LRRC4B: variants seen among roughly 807,000 people sequenced by gnomAD.
LRRC4B encodes the protein leucine-rich repeat-containing protein 4B.
LRRC4B carries 1 observed loss-of-function variant against 7.3 expected under a neutral mutation model. The observed-to-expected ratio is 0.14, with a 90% confidence interval of 0.05 to 0.65. The LOEUF (loss-of-function observed/expected upper bound fraction) is 0.65, where lower values mean the gene tolerates loss of function less well. Ranked by LOEUF, LRRC4B falls within the 30% of genes least tolerant of loss-of-function variation. The probability of loss-of-function intolerance (pLI) is 0.84; values close to 1 mark genes in which losing one functional copy is unlikely to be tolerated. For missense variants in LRRC4B, 730 were observed against 1,041.6 expected (o/e 0.70, Z 4.12); for synonymous variants, 500 against 499.2 (o/e 1.00, Z -0.02).
In LRRC4B at chr19:50,517,306, C is replaced by T. The variant is rs1980309331; in HGVS notation, c.*265G>A. 8.8e-6 allele frequency: 3 copies of T among 341,212 alleles called. No homozygotes were observed. Among genetic ancestry groups the T allele is most frequent in the African/African-American group, 2.1e-5 (1 of 47,328 alleles). 21.1% of individuals were successfully genotyped at this position (341,212 alleles called of 1,614,324 possible). On this transcript the variant is annotated 3_prime_UTR_variant, in exon 3 of 3. Transcript: ENST00000652263. This position sits in a 1 kb window ranked among gnomAD's most constrained non-coding sequence, Gnocchi z 6.6. ...GAGGAAACGCGGAGAACTCAGGCCA[C>T]TTCTCCTGGGTCCCACGTCCCCTCC...
At chr19:50,529,139 G>T (rs11881006) in intron 2 of LRRC4B, among the ~76,000 whole-genome samples, 1 of 151,952 alleles carries the variant, frequency 6.6e-6, no homozygotes, top group Non-Finnish European at 1.5e-5. Flanking sequence ...TCTCAGAGCC[G>T]GTTCTCAGAG....
At chr19:50,534,115 A>G (rs1216888186) in intron 2 of LRRC4B, among the ~76,000 whole-genome samples, 2 of 152,074 alleles carry the variant, frequency 1.3e-5, no homozygotes, top group East Asian at 3.9e-4. Context: ...CTGGGGATCC[A>G]GCTGTGGACA....
chr19:50,525,292 G>A (rs561922039), intron 2 of LRRC4B, among the ~76,000 whole-genome samples: 11 of 152,238 alleles, frequency 7.2e-5, no homozygotes, highest in South Asian at 6.2e-4. Flanking sequence ...TGCTCAGCAC[G>A]TCGTCATTCT....
Position 50,517,542 on chromosome 19 carries a change from A to G in LRRC4B, c.*29T>C. 1 of 1,402,698 alleles carries G rather than the reference A, an allele frequency of 7.1e-7. No homozygotes were observed. The highest frequency in any genetic ancestry group is 1.7e-5 in the South Asian group (1 of 59,228). 86.9% of individuals were successfully genotyped at this position (1,402,698 alleles called of 1,614,324 possible). ...GGCTGGGACCTGGGTGGGGGGCTCC[A>G]CGCCCCTCGCCCGCCCGGCCCCGCC... On this transcript the variant is annotated 3_prime_UTR_variant, in exon 3 of 3. Coordinates refer to ENST00000652263, the MANE Select transcript of LRRC4B (RefSeq NM_001080457.2). The surrounding 1 kb of genome is among the most constrained non-coding windows in gnomAD (Gnocchi z 6.6).
At chr19:50,532,233 CAACAAAAACAAA>C (rs368518866) in intron 2 of LRRC4B, among the ~76,000 whole-genome samples, 11 of 152,068 alleles carry the variant, frequency 7.2e-5, no homozygotes, top group Admixed American at 2.0e-4. Context: ...GACTCTGTCT[CAACAAAAACAAA>C]AACAAAAACA....
rs1487399333 is a variant in LRRC4B at position 50,563,444 on chromosome 19, G to A, written c.-36+4500C>T. ...CACAAAGACGTGCCCCCTTCACCCA[G>A]CAAGGGTGATGGTGGAGGGGATGCT... is the stretch of plus-strand genomic sequence containing the variant. On this transcript the variant is annotated intron_variant, in intron 1 of 2. Coordinates refer to ENST00000652263, the MANE Select transcript of LRRC4B (RefSeq NM_001080457.2). This position sits in a 1 kb window ranked among gnomAD's most constrained non-coding sequence, Gnocchi z 4.9. 2.0e-5 allele frequency among the ~76,000 whole-genome samples: 3 copies of A among 152,202 alleles called. No individual in the cohort carries two copies. The highest frequency in any genetic ancestry group is 7.2e-5 in the African/African-American group (3 of 41,470).
rs898570806 is a variant in LRRC4B at position 50,547,889 on chromosome 19, A to G, written c.297+653T>C. ...TCCTGAGCACCAGCCACAGGCCACC[A>G]TGGCGCCAAGCACCACAGCGTTCTC... On this transcript the variant is annotated intron_variant, in intron 2 of 2. Coordinates refer to ENST00000652263, the MANE Select transcript of LRRC4B (RefSeq NM_001080457.2). 2.0e-5 allele frequency among the ~76,000 whole-genome samples: 3 copies of G among 151,820 alleles called. No individual in the cohort carries two copies. The East Asian group carries it at 5.8e-4, about 29-fold the overall frequency.
At chr19:50,552,559 T>TCCATCCGTCCAC (rs1332468753) in intron 1 of LRRC4B, among the ~76,000 whole-genome samples, 2 of 151,566 alleles carry the variant, frequency 1.3e-5, no homozygotes, top group African/African-American at 4.9e-5. Context: ...CATCCGTCCA[T>TCCATCCGTCCAC]CCATCCGTCC....
At chr19:50,520,978 T>C (rs1980554704) in intron 2 of LRRC4B, among the ~76,000 whole-genome samples, 1 of 152,124 alleles carries the variant, frequency 6.6e-6, no homozygotes, top group South Asian at 2.1e-4. Flanking sequence ...CTGCCTAAGC[T>C]GGAGACATCC....
intron 2 of LRRC4B, among the ~76,000 whole-genome samples, chr19:50,535,074 T>C (rs1191025991): frequency 8.5e-5 from 13 of 152,078 alleles, no homozygotes; most frequent in Admixed American, 7.9e-4. Context: ...TTCACTGTGT[T>C]AGCCAGGATG....
intron 1 of LRRC4B, among the ~76,000 whole-genome samples, chr19:50,560,876 G>A (rs1982438614): frequency 6.6e-6 from 1 of 151,842 alleles, no homozygotes; most frequent in Non-Finnish European, 1.5e-5. Context: ...ATCGCTTGAG[G>A]TCAGGAGTTC....
chr19:50,521,607 T>C (rs1980581522), intron 2 of LRRC4B, among the ~76,000 whole-genome samples: 1 of 152,082 alleles, frequency 6.6e-6, no homozygotes, highest in Non-Finnish European at 1.5e-5. Context: ...TTTGTATTTT[T>C]AGTAGAGATG....
At chr19:50,545,408 C>CA (rs58857784) in intron 2 of LRRC4B, among the ~76,000 whole-genome samples, 36,301 of 78,380 alleles carry the variant, frequency 0.46, 7,425 homozygotes, top group African/African-American at 0.55. Context: ...AACTCCATCT[C>CA]AAAAAAAAAA....
intron 2 of LRRC4B, among the ~76,000 whole-genome samples, chr19:50,529,940 C>T (rs1980977225): frequency 6.6e-6 from 1 of 151,872 alleles, no homozygotes; most frequent in Admixed American, 6.6e-5. Flanking sequence ...ACTCTGTGCC[C>T]CACCCTCCCC....
rs930368050 is a variant in LRRC4B, at chr19:50,549,005, G to A, written c.-35-132C>T. On this transcript the variant is annotated intron_variant, in intron 1 of 2. Transcript: ENST00000652263. ...ATGCCCAGAACAAAGGGACAGGGAG[G>A]GAGACAGCTGCCGATGGACCCACCC... 6.8e-6 allele frequency: 4 copies of A among 586,292 alleles called. No individual in the cohort carries two copies. In the African/African-American group the frequency reaches 7.6e-5, roughly 11 times the overall value. 36.3% of individuals were successfully genotyped at this position (586,292 alleles called of 1,614,324 possible). A position where few individuals can be genotyped will look rare whatever the true frequency, so the allele number is the denominator to read the frequency against.
chr19:50,558,230 C>T (rs949232251), intron 1 of LRRC4B, among the ~76,000 whole-genome samples: 11 of 140,054 alleles, frequency 7.9e-5, no homozygotes, highest in South Asian at 2.3e-4. Flanking sequence ...CACACACATA[C>T]ACACACACAT....
intron 2 of LRRC4B, among the ~76,000 whole-genome samples, chr19:50,530,595 G>A (rs140429222): frequency 9.0e-4 from 137 of 152,348 alleles, no homozygotes; most frequent in Middle Eastern, 6.8e-3. Flanking sequence ...GCCGTTGTCT[G>A]TGAAAGGACC....
chr19:50,518,995 G>C lies in LRRC4B; in HGVS notation c.718C>G (p.Arg240Gly), dbSNP rs755896566. The change falls in exon 3 of 3, where the codon CGG becomes GGG. Residue 240 changes from arginine to glycine, a missense_variant. By Grantham distance (125) the Arg-to-Gly change is moderately radical (BLOSUM62 -2). Coordinates refer to ENST00000652263, the MANE Select transcript of LRRC4B (RefSeq NM_001080457.2). ...GAGCCCGGGCGGATCAGGTCCAGCC[G>C]GTTGCCCGACAGCTCCAGCTCCTCC... ...RLEELELSGN[R>G]LDLIRPGSFQ... 6.2e-7 allele frequency: 1 copy of C among 1,612,698 alleles called. No homozygotes were observed. The highest frequency in any genetic ancestry group is 8.5e-7 in the Non-Finnish European group (1 of 1,179,734).
chr19:50,561,555 G>A (rs1982461871), intron 1 of LRRC4B, among the ~76,000 whole-genome samples: 1 of 152,078 alleles, frequency 6.6e-6, no homozygotes, highest in Admixed American at 6.6e-5. Context: ...GCAACATAGT[G>A]AGAACCCCCT....
Sources: gnomAD v4.1 joint callset for allele counts (sites outside exome capture counted in the v4.1 genomes callset) on GRCh38, gnomAD v4.1.1 for gene constraint, Gnocchi (gnomAD v3.1) non-coding constraint, MANE v1.5 for transcripts, NCBI Gene and HGNC (gene_info 2026-07-23, HGNC 2026-07-21) for gene names.